The following SHROOM4 variants were observed in gnomAD, a reference collection of about 807,000 sequenced individuals.
The protein encoded by SHROOM4 is shroom family member 4, also known as protein Shroom4.
A neutral mutation model predicts 80.3 loss-of-function variants in SHROOM4; 17 were observed. The observed-to-expected ratio is 0.21, with a 90% confidence interval of 0.14 to 0.32. The LOEUF (loss-of-function observed/expected upper bound fraction) is 0.32, where lower values mean the gene tolerates loss of function less well. Among genes scored for constraint, SHROOM4 ranks in the 10% least tolerant of loss-of-function variants. The probability of loss-of-function intolerance (pLI) is 1.00; values close to 1 mark genes in which losing one functional copy is unlikely to be tolerated. For synonymous variants in SHROOM4, 400 were observed against 437.5 expected, an observed-to-expected ratio of 0.91 and a Z score of 1.07; for missense variants, 993 against 1,140.3, an observed-to-expected ratio of 0.87 and a Z score of 1.86.
chrX:50,780,689 T>G (rs1935608249), intron 1 of SHROOM4, among the ~76,000 whole-genome samples: 1 of 111,808 alleles, frequency 8.9e-6, no homozygotes, highest in African/African-American at 3.3e-5. Flanking sequence ...GATCCAGATA[T>G]TTCATCTTTC....
intron 2 of SHROOM4, among the ~76,000 whole-genome samples, chrX:50,685,930 G>A (rs1557262213): frequency 8.9e-6 from 1 of 111,889 alleles, no homozygotes; most frequent in East Asian, 2.8e-4. Context: ...TTCACAACTT[G>A]AGCTATCCAA....
chrX:50,591,860 G>A lies in SHROOM4; in HGVS notation c.*4835C>T. On this transcript the variant is annotated 3_prime_UTR_variant, in exon 9 of 9. Coordinates refer to ENST00000376020, the MANE Select transcript of SHROOM4 (RefSeq NM_020717.5). ...AGCCTCCCGAGTAGCTGGGACTACT[G>A]GTGCGTGCCACCACACCTGGCTAAT... The A allele has an allele frequency of 3.2e-6, 1 of 314,039 alleles. No homozygotes were observed. The highest frequency in any genetic ancestry group is 6.1e-6 in the Non-Finnish European group (1 of 162,819). The allele number at this position is 314,039 out of a possible 1,213,427, so 25.9% of individuals were successfully genotyped here. A position where few individuals can be genotyped will look rare whatever the true frequency, so the allele number is the denominator to read the frequency against.
At chrX:50,786,273 T>C (rs781998249) in intron 1 of SHROOM4, among the ~76,000 whole-genome samples, 92 of 111,855 alleles carry the variant, frequency 8.2e-4, no homozygotes, top group South Asian at 6.8e-3. Context: ...CTCAGAGTGA[T>C]GATGGGACCT....
At chrX:50,779,014 G>A (rs982943050) in intron 1 of SHROOM4, among the ~76,000 whole-genome samples, 5 of 112,023 alleles carry the variant, frequency 4.5e-5, no homozygotes, top group African/African-American at 1.3e-4. Flanking sequence ...ATCTGGCCGA[G>A]TTACCACTGT....
chrX:50,621,714 G>A (rs888438655), intron 5 of SHROOM4, among the ~76,000 whole-genome samples: 2 of 111,673 alleles, frequency 1.8e-5, no homozygotes, highest in African/African-American at 6.5e-5. Flanking sequence ...AAATCCTTCC[G>A]AGCCTCTGAA....
intron 2 of SHROOM4, among the ~76,000 whole-genome samples, chrX:50,693,864 C>T (rs1056892905): frequency 8.1e-5 from 9 of 110,635 alleles, no homozygotes; most frequent in Admixed American, 1.9e-4. Context: ...CATCATCAAC[C>T]TCTCTTCAAC....
At chrX:50,717,355 C>A (rs1362254941) in intron 1 of SHROOM4, among the ~76,000 whole-genome samples, 2 of 111,765 alleles carry the variant, frequency 1.8e-5, no homozygotes, top group Admixed American at 9.4e-5. Flanking sequence ...GTAGCTGGGA[C>A]TACAGGCGAC....
At chrX:50,805,121 G>C (rs1936201535) in intron 1 of SHROOM4, among the ~76,000 whole-genome samples, 1 of 111,323 alleles carries the variant, frequency 9.0e-6, no homozygotes, top group African/African-American at 3.3e-5. Context: ...ATGGAAAACA[G>C]CAAGGCAGCC....
At chrX:50,647,919 G>C (rs936087753) in intron 2 of SHROOM4, among the ~76,000 whole-genome samples, 1 of 112,334 alleles carries the variant, frequency 8.9e-6, no homozygotes, top group African/African-American at 3.2e-5. Context: ...GAGCAAGGTG[G>C]ACTGCAGTGG....
intron 1 of SHROOM4, among the ~76,000 whole-genome samples, chrX:50,806,585 T>G (rs1257510110): frequency 2.7e-5 from 3 of 112,504 alleles, no homozygotes; most frequent in Non-Finnish European, 5.6e-5. Flanking sequence ...AATGATTTTA[T>G]TGAATTATGT....
At chrX:50,682,018 C>A (rs1465650348) in intron 2 of SHROOM4, among the ~76,000 whole-genome samples, 1 of 111,710 alleles carries the variant, frequency 9.0e-6, no homozygotes, top group Non-Finnish European at 1.9e-5. Flanking sequence ...TCATTTTTTT[C>A]TTTGTGTACC....
chrX:50,788,156 A>C (rs1247996915), intron 1 of SHROOM4, among the ~76,000 whole-genome samples: 1 of 111,807 alleles, frequency 8.9e-6, no homozygotes, highest in African/African-American at 3.2e-5. Context: ...TAAAAATAAA[A>C]CGATAGGTAA....
At chrX:50,763,660 C>A (rs1935208281) in intron 1 of SHROOM4, among the ~76,000 whole-genome samples, 1 of 111,497 alleles carries the variant, frequency 9.0e-6, no homozygotes, top group African/African-American at 3.3e-5. Flanking sequence ...CAGAGTAGCT[C>A]CTGGGTCAGT....
At chrX:50,687,247 CA>C (rs782379836) in intron 2 of SHROOM4, 3 of 100,961 alleles carry the variant, frequency 3.0e-5, no homozygotes, top group Non-Finnish European at 5.8e-5. Context: ...TGCAACTATT[CA>C]ACTTTGCCAT....
intron 2 of SHROOM4, among the ~76,000 whole-genome samples, chrX:50,688,192 C>T (rs1933126649): frequency 9.0e-6 from 1 of 111,209 alleles, no homozygotes; most frequent in African/African-American, 3.3e-5. Flanking sequence ...TATAATTTCA[C>T]ATATCATGAA....
chrX:50,612,848 C>A (rs1166786266), intron 5 of SHROOM4, among the ~76,000 whole-genome samples: 2 of 110,065 alleles, frequency 1.8e-5, no homozygotes, highest in Non-Finnish European at 3.8e-5. Flanking sequence ...AAAAAAAAAA[C>A]CTAACAGAAA....
At chrX:50,673,135 G>C (rs903899801) in intron 2 of SHROOM4, among the ~76,000 whole-genome samples, 4 of 111,456 alleles carry the variant, frequency 3.6e-5, no homozygotes, top group Non-Finnish European at 7.6e-5. Context: ...TATGTATATG[G>C]GTAAATAAAA....
intron 1 of SHROOM4, among the ~76,000 whole-genome samples, chrX:50,737,015 CA>C (rs1934510853): frequency 9.0e-6 from 1 of 111,603 alleles, no homozygotes; most frequent in African/African-American, 3.3e-5. Flanking sequence ...CTTGGATTTT[CA>C]AAAGAATATT....
intron 2 of SHROOM4, among the ~76,000 whole-genome samples, chrX:50,677,156 AATT>A (rs1932865215): frequency 9.0e-6 from 1 of 111,502 alleles, no homozygotes; most frequent in Non-Finnish European, 1.9e-5. Context: ...ACACAGTATG[AATT>A]ATAGTTAATC....
Sources: gnomAD v4.1 joint callset for allele counts (sites outside exome capture counted in the v4.1 genomes callset) on GRCh38, gnomAD v4.1.1 for gene constraint, MANE v1.5 for transcripts, NCBI Gene and HGNC (gene_info 2026-07-23, HGNC 2026-07-21) for gene names.